Variants in RELL1 observed in about 807,000 individuals in gnomAD.
The protein encoded by RELL1 is RELT like 1, also known as RELT-like protein 1.
Under a neutral mutation model 23.0 loss-of-function variants are expected in RELL1, and 10 were observed. The observed-to-expected ratio is 0.43, with a 90% CI of 0.27 to 0.74. The LOEUF is 0.74. RELL1 is among the 30% of genes least tolerant of loss of function. The probability of loss-of-function intolerance (pLI) is 0.19; values close to 1 mark genes in which losing one functional copy is unlikely to be tolerated. For synonymous variants in RELL1, 146 were observed against 146.8 expected (o/e 0.99, Z 0.04); for missense variants, 315 against 364.4 (o/e 0.86, Z 1.10).
At chr4:37,592,304 C>T (rs1718654262) in intron 6 of RELL1, among the ~76,000 whole-genome samples, 1 of 148,132 alleles carries the variant, frequency 6.8e-6, no homozygotes, top group Non-Finnish European at 1.5e-5. Flanking sequence ...ATTGCCAGGG[C>T]CAGGAATTCG....
chr4:37,616,302 T>C lies in RELL1; in HGVS notation c.*4-2960A>G, dbSNP rs185563631. On this transcript the variant is annotated intron_variant, in intron 6 of 6. Coordinates refer to ENST00000454158, the MANE Select transcript of RELL1 (RefSeq NM_001085400.2). The stretch of plus-strand genomic sequence containing the variant: ...GGCCACACAATTAGTAACGGGAAAG[T>C]AGGAAATCCATCCCAGGCAGTAAGA... Among the ~76,000 whole-genome samples the C allele has an allele frequency of 5.3e-5, 8 of 152,292 alleles. No individual in the cohort carries two copies. The East Asian group carries it at 1.5e-3, about 29-fold the overall frequency.
At chr4:37,604,868 C>CACACACACACACACACACACACACACAG (rs1553871545) in intron 6 of RELL1, among the ~76,000 whole-genome samples, 1 of 87,516 alleles carries the variant, frequency 1.1e-5, no homozygotes, top group Non-Finnish European at 2.0e-5. Flanking sequence ...CACACACAGA[C>CACACACACACACACACACACACACACAG]ACACACACAC....
At chr4:37,638,574 T>C in intron 3 of RELL1, 70 bp from the exon 4 acceptor site, 3 of 1,182,058 alleles carry the variant, frequency 2.5e-6, no homozygotes, top group Non-Finnish European at 3.6e-6. Flanking sequence ...TCAGAAAAGC[T>C]GTTGAAAACA....
intron 1 of RELL1, among the ~76,000 whole-genome samples, chr4:37,684,779 C>A (rs747623054): frequency 2.0e-5 from 3 of 151,996 alleles, no homozygotes; most frequent in Non-Finnish European, 2.9e-5. Context: ...ATGGCAAAAC[C>A]CCATCTCTAC....
chr4:37,653,767 C>T (rs1309133869), intron 1 of RELL1, among the ~76,000 whole-genome samples: 1 of 152,190 alleles, frequency 6.6e-6, no homozygotes, highest in African/African-American at 2.4e-5. Flanking sequence ...TGACAACTTC[C>T]ACTTCCTGTT....
intron 1 of RELL1, among the ~76,000 whole-genome samples, chr4:37,667,965 A>C (rs910393470): frequency 1.4e-4 from 22 of 152,068 alleles, no homozygotes; most frequent in Non-Finnish European, 4.4e-5. Flanking sequence ...TGAATGAAAA[A>C]TGTTAAGTGA....
intron 1 of RELL1, among the ~76,000 whole-genome samples, chr4:37,652,015 GAGCGTCGCC>G (rs1162814900): frequency 1.3e-5 from 2 of 152,372 alleles, no homozygotes; most frequent in South Asian, 4.1e-4. Context: ...GGCTGGGGCA[GAGCGTCGCC>G]AGCCAGGAGG....
downstream of RELL1, chr4:37,590,352 C>T (rs140208747): frequency 2.8e-5 from 45 of 1,613,540 alleles, no homozygotes; most frequent in African/African-American, 4.0e-5. Context: ...GCGGTGTCAA[C>T]GGCATCGGCC....
At chr4:37,620,413 G>C (rs1719726604) in intron 6 of RELL1, among the ~76,000 whole-genome samples, 1 of 152,188 alleles carries the variant, frequency 6.6e-6, no homozygotes, top group African/African-American at 2.4e-5. Flanking sequence ...ACCAGCCTTT[G>C]AGATGGTAGA....
chr4:37,614,378 G>A (rs1719504903), intron 6 of RELL1, among the ~76,000 whole-genome samples: 1 of 152,128 alleles, frequency 6.6e-6, no homozygotes, highest in African/African-American at 2.4e-5. Context: ...GAGACAGACA[G>A]AAAGAAAGAG....
chr4:37,611,831 TACAC>T lies in RELL1; in HGVS notation c.*1511_*1514del, dbSNP rs1158757627. Among the ~76,000 whole-genome samples the T allele has an allele frequency of 2.0e-5, 3 of 151,608 alleles. No individual in the cohort carries two copies. The highest frequency in any genetic ancestry group is 7.3e-5 in the African/African-American group (3 of 41,248). On this transcript the variant is annotated 3_prime_UTR_variant, in exon 7 of 7. Coordinates refer to ENST00000454158, the MANE Select transcript of RELL1 (RefSeq NM_001085400.2). ...TAGTTACAGGATGAAAAACAGGAAA[TACAC>T]AAAGAAAAACATGCCAGAGGTAGGT...
chr4:37,622,846 C>A (rs1719815741), intron 6 of RELL1: 1 of 449,064 alleles, frequency 2.2e-6, no homozygotes, highest in Non-Finnish European at 4.4e-6. Context: ...CTGTTGTCAC[C>A]CCGGCTGAAG....
chr4:37,631,961 C>A (rs1350783808), intron 5 of RELL1, among the ~76,000 whole-genome samples: 1 of 151,428 alleles, frequency 6.6e-6, no homozygotes, highest in Non-Finnish European at 1.5e-5. Context: ...CACTTGTAGT[C>A]CCAGCTACTC....
intron 1 of RELL1, among the ~76,000 whole-genome samples, chr4:37,654,515 T>G (rs1721056344): frequency 6.6e-6 from 1 of 152,242 alleles, no homozygotes; most frequent in South Asian, 2.1e-4. Flanking sequence ...TTTATAAACT[T>G]CAGTAGGTTT....
intron 6 of RELL1, among the ~76,000 whole-genome samples, chr4:37,602,984 T>C (rs1463985): frequency 0.99 from 151,366 of 152,370 alleles, 75,191 homozygotes; most frequent in Middle Eastern, 1. Context: ...AAACTGGCAG[T>C]GCCAGAAAAT....
At chr4:37,624,418 C>CTTTTTT (rs35118296) in intron 6 of RELL1, among the ~76,000 whole-genome samples, 2 of 111,370 alleles carry the variant, frequency 1.8e-5, no homozygotes, top group East Asian at 2.6e-4. Context: ...TTCTTTCTTT[C>CTTTTTT]TTTTTTTTTT....
At chr4:37,607,879 C>A (rs1360533121), downstream of RELL1, among the ~76,000 whole-genome samples, 2 of 152,168 alleles carry the variant, frequency 1.3e-5, no homozygotes, top group Admixed American at 6.5e-5. Context: ...TGAGCCACTG[C>A]GCCCAGCCAT....
At chr4:37,652,238 A>G (rs1394226830) in intron 1 of RELL1, among the ~76,000 whole-genome samples, 1 of 152,222 alleles carries the variant, frequency 6.6e-6, no homozygotes, top group African/African-American at 2.4e-5. Context: ...TTGAACATGA[A>G]AGGAAATAAT....
At position 37,612,756 on chromosome 4, in the gene RELL1, T is replaced by G. The variant is rs1053584242; in HGVS notation, c.*590A>C. ...ATCCAAAGTCTAGCATCTGGTCCCA[T>G]CTGACTCCATGGTCCCTTGGGGAAT... is the stretch of plus-strand genomic sequence containing the variant. On this transcript the variant is annotated 3_prime_UTR_variant, in exon 7 of 7. Coordinates refer to ENST00000454158, the MANE Select transcript of RELL1 (RefSeq NM_001085400.2). The G allele has an allele frequency of 6.6e-6, 1 of 151,942 alleles. No homozygotes were observed. Among genetic ancestry groups the G allele is most frequent in the Non-Finnish European group, 1.5e-5 (1 of 68,008 alleles). 9.4% of individuals were successfully genotyped at this position (151,942 alleles called of 1,614,324 possible). A position where few individuals can be genotyped will look rare whatever the true frequency, so the allele number is the denominator to read the frequency against.
Sources: allele counts gnomAD v4.1 joint callset (sites outside exome capture counted in the v4.1 genomes callset), GRCh38; gene constraint gnomAD v4.1.1; transcripts MANE v1.5; gene names NCBI Gene and HGNC (gene_info 2026-07-23, HGNC 2026-07-21).